CCBE1: variants seen among roughly 807,000 people sequenced by gnomAD.
CCBE1 encodes the protein collagen and calcium binding EGF domains 1.
CCBE1 carries 37 observed loss-of-function variants against 50.0 expected under a neutral mutation model. The observed-to-expected ratio is 0.74, with a 90% confidence interval of 0.57 to 0.97. CCBE1 has a LOEUF of 0.97. Ranked by LOEUF, CCBE1 falls within the 50% of genes least tolerant of loss-of-function variation. The pLI is 0.00. For synonymous variants in CCBE1, 234 were observed against 203.7 expected, an observed-to-expected ratio of 1.15 and a Z score of -1.27; for missense variants, 538 against 523.8, an observed-to-expected ratio of 1.03 and a Z score of -0.26.
intron 2 of CCBE1, among the ~76,000 whole-genome samples, chr18:59,649,413 A>C (rs911616962): frequency 3.9e-5 from 6 of 152,244 alleles, no homozygotes; most frequent in African/African-American, 1.4e-4. Flanking sequence ...CCCAGCCCTC[A>C]AGTTTACCAA....
intron 5 of CCBE1, 114 bp from the exon 6 acceptor site, chr18:59,455,065 C>A (rs764878395): frequency 2.5e-6 from 2 of 805,664 alleles, no homozygotes; most frequent in Non-Finnish European, 2.1e-6. Flanking sequence ...GCGGGACATG[C>A]GAGGGCTCAA....
At chr18:59,677,905 A>G (rs779321037) in intron 2 of CCBE1, among the ~76,000 whole-genome samples, 86 of 152,198 alleles carry the variant, frequency 5.7e-4, no homozygotes, top group Non-Finnish European at 1.0e-3. Flanking sequence ...TCTTAACTAC[A>G]GGAAAGGTAA....
chr18:59,622,829 G>GA (rs372756620), intron 2 of CCBE1, among the ~76,000 whole-genome samples: 30,819 of 137,140 alleles, frequency 0.22, 5,354 homozygotes, highest in African/African-American at 0.5. Flanking sequence ...AAAGAAAAAA[G>GA]AAAAAAAAAA....
chr18:59,453,467 C>CTA (rs1287775048), intron 6 of CCBE1, among the ~76,000 whole-genome samples: 1 of 152,180 alleles, frequency 6.6e-6, no homozygotes, highest in Non-Finnish European at 1.5e-5. Context: ...AGGGTTAAAT[C>CTA]TATGTTTTAT....
At chr18:59,535,788 T>A (rs898106105) in intron 2 of CCBE1, among the ~76,000 whole-genome samples, 2 of 152,204 alleles carry the variant, frequency 1.3e-5, no homozygotes, top group Non-Finnish European at 2.9e-5. Flanking sequence ...AAAACAGTAT[T>A]TATTGCTAAG....
intron 2 of CCBE1, among the ~76,000 whole-genome samples, chr18:59,632,592 A>T (rs11665071): frequency 0.57 from 85,465 of 149,806 alleles, 26,066 homozygotes; most frequent in African/African-American, 0.8. Context: ...TTTGTTTTGT[A>T]TTGTTTTTGT....
At position 59,431,732 on chromosome 18, in the gene CCBE1, T is replaced by C. The variant is rs1403127504; in HGVS notation, c.*4176A>G. 6.6e-6 allele frequency: 1 copy of C among 152,230 alleles called. No homozygotes were observed. The highest frequency in any genetic ancestry group is 2.4e-5 in the African/African-American group (1 of 41,462). 9.4% of individuals were successfully genotyped at this position (152,230 alleles called of 1,614,324 possible). A position where few individuals can be genotyped will look rare whatever the true frequency, so the allele number is the denominator to read the frequency against. ...TCCTTCCAAAACCAATGAACATTTA[T>C]TATTTACTTGTTGGGCTATGATACT... is the stretch of plus-strand genomic sequence containing the variant. On this transcript the variant is annotated 3_prime_UTR_variant, in exon 11 of 11. Transcript: ENST00000439986.
At chr18:59,651,799 G>C (rs2054131762) in intron 2 of CCBE1, among the ~76,000 whole-genome samples, 1 of 152,218 alleles carries the variant, frequency 6.6e-6, no homozygotes, top group South Asian at 2.1e-4. Flanking sequence ...CTGGGAAAGG[G>C]AAGTGGAAAG....
In CCBE1 at chr18:59,691,224, A is replaced by C. The variant is rs1021209824; in HGVS notation, c.212+5405T>G. On this transcript the variant is annotated intron_variant, in intron 2 of 10. Coordinates refer to ENST00000439986, the MANE Select transcript of CCBE1 (RefSeq NM_133459.4). ...TGTCCAGGCATGGAGCTAGCCTCTG[A>C]GGATATAGTCATGAATGAGGACAGA... Among the ~76,000 whole-genome samples the C allele has an allele frequency of 2.0e-5, 3 of 152,206 alleles. No homozygotes were observed. The East Asian group carries it at 5.8e-4, about 29-fold the overall frequency.
At chr18:59,660,673 C>T (rs2054271389) in intron 2 of CCBE1, among the ~76,000 whole-genome samples, 1 of 152,096 alleles carries the variant, frequency 6.6e-6, no homozygotes, top group African/African-American at 2.4e-5. Context: ...GTACTGCCCA[C>T]CTAAGTCAAA....
At chr18:59,640,978 CT>C (rs1263258647) in intron 2 of CCBE1, among the ~76,000 whole-genome samples, 2 of 152,064 alleles carry the variant, frequency 1.3e-5, no homozygotes, top group Non-Finnish European at 2.9e-5. Context: ...TAAAAAATAA[CT>C]GATGCTGGTG....
intron 2 of CCBE1, among the ~76,000 whole-genome samples, chr18:59,628,903 A>C (rs2053819497): frequency 2.0e-5 from 3 of 152,158 alleles, no homozygotes. Flanking sequence ...ACCACTTTTA[A>C]AACACTCAAA....
intron 2 of CCBE1, among the ~76,000 whole-genome samples, chr18:59,524,913 A>G (rs1057411008): frequency 6.6e-6 from 1 of 152,188 alleles, no homozygotes; most frequent in Non-Finnish European, 1.5e-5. Flanking sequence ...ATGTCCCTGC[A>G]AACTACATGA....
intron 2 of CCBE1, among the ~76,000 whole-genome samples, chr18:59,650,442 C>T (rs2054111961): frequency 6.6e-6 from 1 of 151,420 alleles, no homozygotes; most frequent in Non-Finnish European, 1.5e-5. Context: ...TTCACGATCC[C>T]ATGGGAAACT....
At chr18:59,517,918 G>T (rs1914442696) in intron 2 of CCBE1, among the ~76,000 whole-genome samples, 1 of 152,214 alleles carries the variant, frequency 6.6e-6, no homozygotes, top group African/African-American at 2.4e-5. Flanking sequence ...TCTGTCACAA[G>T]ATCATTATGT....
chr18:59,464,607 A>G (rs1208172171), intron 5 of CCBE1, among the ~76,000 whole-genome samples: 1 of 152,224 alleles, frequency 6.6e-6, no homozygotes, highest in East Asian at 1.9e-4. Context: ...CAAATTATTC[A>G]AATCGCCCAA....
chr18:59,655,085 C>CAAAAAA (rs10646215), intron 2 of CCBE1, among the ~76,000 whole-genome samples: 1 of 122,730 alleles, frequency 8.1e-6, no homozygotes, highest in Admixed American at 8.4e-5. Flanking sequence ...GAGACTATGT[C>CAAAAAA]AAAAAAAAAA....
chr18:59,462,032 C>T (rs1183163881), intron 5 of CCBE1, among the ~76,000 whole-genome samples: 1 of 152,148 alleles, frequency 6.6e-6, no homozygotes, highest in Admixed American at 6.5e-5. Context: ...CCATCCCCGG[C>T]TGCCAAGTGT....
chr18:59,500,189 T>C (rs1314576444), intron 2 of CCBE1, among the ~76,000 whole-genome samples: 2 of 152,126 alleles, frequency 1.3e-5, no homozygotes, highest in Non-Finnish European at 2.9e-5. Flanking sequence ...TACTCTGCAG[T>C]TGTGTTGATA....
Sources: allele counts gnomAD v4.1 joint callset (sites outside exome capture counted in the v4.1 genomes callset), GRCh38; gene constraint gnomAD v4.1.1; transcripts MANE v1.5; gene names NCBI Gene and HGNC (gene_info 2026-07-23, HGNC 2026-07-21).